KCNQ1: variants seen among roughly 807,000 people sequenced by gnomAD.
KCNQ1 encodes potassium voltage-gated channel subfamily Q member 1.
Under a neutral mutation model 72.4 loss-of-function variants are expected in KCNQ1, and 49 were observed. The observed-to-expected ratio is 0.68, with a 90% CI of 0.54 to 0.86. The LOEUF (loss-of-function observed/expected upper bound fraction) is 0.86, where lower values mean the gene tolerates loss of function less well. KCNQ1 is among the 40% of genes least tolerant of loss of function. KCNQ1 has a pLI of 0.00. For missense variants in KCNQ1, 790 were observed against 945.1 expected, an observed-to-expected ratio of 0.84 and a Z score of 2.15; for synonymous variants, 450 against 412.6, an observed-to-expected ratio of 1.09 and a Z score of -1.10.
chr11:2,737,604 A>C (rs76533793), intron 11 of KCNQ1, among the ~76,000 whole-genome samples: 106 of 152,344 alleles, frequency 7.0e-4, no homozygotes, highest in African/African-American at 2.1e-3. Context: ...AACGTGAGTG[A>C]ATTTGACTCC....
At chr11:2,522,154 TAGG>T (rs1470373540) in intron 1 of KCNQ1, among the ~76,000 whole-genome samples, 2 of 152,060 alleles carry the variant, frequency 1.3e-5, no homozygotes, top group African/African-American at 2.4e-5. Flanking sequence ...GGGGAACAAG[TAGG>T]AGGTTGTTTT....
Position 2,626,372 on chromosome 11 carries a change from C to T in KCNQ1, c.1394-35589C>T, listed in dbSNP as rs1421013578. On this transcript the variant is annotated intron_variant, in intron 10 of 15. Coordinates refer to ENST00000155840, the MANE Select transcript of KCNQ1 (RefSeq NM_000218.3). This position sits in a 1 kb window ranked among gnomAD's most constrained non-coding sequence, Gnocchi z 4.0. ...ATCCTGGCACCATTTGTTGAAAATA[C>T]AGCACTTTCCCTATTGAATGGTCTT... The T allele has an allele frequency of 1.3e-5, 5 of 398,488 alleles. No individual in the cohort carries two copies. In the East Asian group the frequency reaches 1.8e-4, roughly 14 times the overall value. The allele number at this position is 398,488 out of a possible 1,614,324, so 24.7% of individuals were successfully genotyped here.
rs1847421043 is a variant in KCNQ1, at chr11:2,808,399, C to A, written c.1794+30362C>A. Reference sequence around the variant, plus strand: ...ATTACTGTGCAGGAGCAAAGCAGGGCACTGTGCCGGAGAGGAACAGGGGTG... The same window carrying A: ...ATTACTGTGCAGGAGCAAAGCAGGGAACTGTGCCGGAGAGGAACAGGGGTG... On this transcript the variant is annotated intron_variant, in intron 15 of 15. Transcript: ENST00000155840. The surrounding 1 kb of genome is among the most constrained non-coding windows in gnomAD (Gnocchi z 6.0). Among the ~76,000 whole-genome samples the A allele has an allele frequency of 6.6e-6, 1 of 152,184 alleles. No individual in the cohort carries two copies. The highest frequency in any genetic ancestry group is 1.9e-4 in the East Asian group (1 of 5,198).
chr11:2,804,520 T>A (rs1847335562), intron 15 of KCNQ1, among the ~76,000 whole-genome samples: 1 of 152,154 alleles, frequency 6.6e-6, no homozygotes, highest in South Asian at 2.1e-4. Flanking sequence ...GAGGGCTGGG[T>A]GTCACCCCAG....
chr11:2,648,896 G>T (rs1404940043), intron 10 of KCNQ1: 19 of 396,640 alleles, frequency 4.8e-5, no homozygotes, highest in Non-Finnish European at 7.1e-5. Flanking sequence ...AGTGTTGTTG[G>T]TTGCATATAT....
chr11:2,539,985 C>T lies in KCNQ1; in HGVS notation c.477+11967C>T, dbSNP rs574051242. On this transcript the variant is annotated intron_variant, in intron 2 of 15. Transcript: ENST00000155840. ...CAGCAGCTGACACAACACAACGGGA[C>T]GGGCTGAGCAGGCCGGGCGCAGGCA... Among the ~76,000 whole-genome samples, 69 of 152,268 alleles carry T rather than the reference C, an allele frequency of 4.5e-4. No individual in the cohort carries two copies. The East Asian group carries it at 0.012, about 27-fold the overall frequency.
chr11:2,747,676 C>A (rs750636607), intron 11 of KCNQ1, among the ~76,000 whole-genome samples: 2 of 152,194 alleles, frequency 1.3e-5, no homozygotes, highest in African/African-American at 4.8e-5. Context: ...GTGGACACGT[C>A]TGGGCAGGCT....
rs1160228050 is a variant in KCNQ1 at position 2,458,348 on chromosome 11, T to C, written c.386+12864T>C. On this transcript the variant is annotated intron_variant, in intron 1 of 15. Transcript: ENST00000155840. This position sits in a 1 kb window ranked among gnomAD's most constrained non-coding sequence, Gnocchi z 4.6. ...TGGAGGTCAATAGGGAGACCGCTCATGATGTTGAATCCTGGCAAGCAAACG... is the reference window on the plus strand; with the variant it reads ...TGGAGGTCAATAGGGAGACCGCTCACGATGTTGAATCCTGGCAAGCAAACG... Among the ~76,000 whole-genome samples the C allele has an allele frequency of 6.6e-6, 1 of 152,230 alleles. No homozygotes were observed. Among genetic ancestry groups the C allele is most frequent in the Non-Finnish European group, 1.5e-5 (1 of 68,046 alleles).
At chr11:2,696,663 C>T (rs560923856) in intron 11 of KCNQ1, 2 of 398,640 alleles carry the variant, frequency 5.0e-6, no homozygotes, top group South Asian at 1.3e-4. Context: ...TGACGTCATT[C>T]TAATGCCAAG....
chr11:2,730,450 T>C (rs1277250598), intron 11 of KCNQ1, among the ~76,000 whole-genome samples: 1 of 152,190 alleles, frequency 6.6e-6, no homozygotes, highest in South Asian at 2.1e-4. Context: ...GCTTGTGGCC[T>C]TTCCCCACGG....
intron 11 of KCNQ1, among the ~76,000 whole-genome samples, chr11:2,737,174 G>T (rs1364975879): frequency 1.3e-5 from 2 of 152,190 alleles, no homozygotes; most frequent in Non-Finnish European, 2.9e-5. Flanking sequence ...GGGAAATTCT[G>T]GGGGGAGTGT....
intron 10 of KCNQ1, among the ~76,000 whole-genome samples, chr11:2,589,366 G>T (rs1272504050): frequency 6.6e-6 from 1 of 152,182 alleles, no homozygotes; most frequent in South Asian, 2.1e-4. Context: ...GGTGTGGCTC[G>T]GATCTGCGTC....
chr11:2,696,737 T>C (rs1243243334), intron 11 of KCNQ1: 2 of 398,610 alleles, frequency 5.0e-6, no homozygotes, highest in Non-Finnish European at 8.8e-6. Flanking sequence ...TATCCTCCAA[T>C]AGAGTTTTAA....
At chr11:2,605,035 C>T (rs1166674985) in intron 10 of KCNQ1, among the ~76,000 whole-genome samples, 1 of 152,220 alleles carries the variant, frequency 6.6e-6, no homozygotes, top group Admixed American at 6.5e-5. Context: ...TTGCATTTCC[C>T]TGTGACTACT....
chr11:2,794,915 T>C (rs1025425989), intron 15 of KCNQ1, among the ~76,000 whole-genome samples: 1 of 152,132 alleles, frequency 6.6e-6, no homozygotes, highest in African/African-American at 2.4e-5. Context: ...TGGGGACCAA[T>C]GTACAGAGAC....
At chr11:2,578,887 C>T (rs1400447438) in intron 6 of KCNQ1, among the ~76,000 whole-genome samples, 1 of 152,232 alleles carries the variant, frequency 6.6e-6, no homozygotes, top group Non-Finnish European at 1.5e-5. Context: ...AGCTGTCTGC[C>T]TGGCCACTTT....
chr11:2,559,858 T>G lies in KCNQ1; in HGVS notation c.478-10770T>G, dbSNP rs1183381901. Among the ~76,000 whole-genome samples the G allele has an allele frequency of 6.6e-6, 1 of 151,754 alleles. No individual in the cohort carries two copies. The highest frequency in any genetic ancestry group is 1.5e-5 in the Non-Finnish European group (1 of 67,946). The stretch of plus-strand genomic sequence containing the variant: ...GCAGGGGCTCCTTCCTCCCTCTCTG[T>G]CTCTGGGGTCCCATGGGAAGTCAGG... On this transcript the variant is annotated intron_variant, in intron 2 of 15. Transcript: ENST00000155840. The surrounding 1 kb of genome is among the most constrained non-coding windows in gnomAD (Gnocchi z 4.9).
Position 2,784,688 on chromosome 11 carries a change from T to C in KCNQ1, c.1794+6651T>C, listed in dbSNP as rs956364656. 1.3e-5 allele frequency among the ~76,000 whole-genome samples: 2 copies of C among 151,978 alleles called. No homozygotes were observed. Among genetic ancestry groups the C allele is most frequent in the African/African-American group, 2.4e-5 (1 of 41,464 alleles). On this transcript the variant is annotated intron_variant, in intron 15 of 15. Coordinates refer to ENST00000155840, the MANE Select transcript of KCNQ1 (RefSeq NM_000218.3). This position sits in a 1 kb window ranked among gnomAD's most constrained non-coding sequence, Gnocchi z 4.7. Reference sequence around the variant, plus strand: ...ATGGTATATCCCTCCATTTATTTGATCTACTTTAATTTCTTTCAGTGATAT... The same window carrying C: ...ATGGTATATCCCTCCATTTATTTGACCTACTTTAATTTCTTTCAGTGATAT...
chr11:2,675,102 G>C, intron 11 of KCNQ1: 2 of 398,654 alleles, frequency 5.0e-6, no homozygotes, highest in Non-Finnish European at 8.8e-6. Flanking sequence ...TGAGTGGACA[G>C]ACCTGAAGGT....
Sources: gnomAD v4.1 joint callset for allele counts (sites outside exome capture counted in the v4.1 genomes callset) on GRCh38, gnomAD v4.1.1 for gene constraint, Gnocchi (gnomAD v3.1) non-coding constraint, MANE v1.5 for transcripts, NCBI Gene and HGNC (gene_info 2026-07-23, HGNC 2026-07-21) for gene names.